NDUFS1: variants seen among roughly 807,000 people sequenced by gnomAD.
NDUFS1 encodes the protein NADH:ubiquinone oxidoreductase core subunit S1.
NDUFS1 carries 61 observed loss-of-function variants against 84.4 expected under a neutral mutation model. The ratio of observed to expected loss-of-function variants is 0.72; its 90% CI spans 0.59 to 0.89. The LOEUF (loss-of-function observed/expected upper bound fraction) is 0.89, where lower values mean the gene tolerates loss of function less well. Among genes scored for constraint, NDUFS1 ranks in the 40% least tolerant of loss-of-function variants. The pLI, the probability that NDUFS1 is intolerant of heterozygous loss-of-function variation, is 0.00. For synonymous variants in NDUFS1, 275 were observed against 290.0 expected (o/e 0.95, Z 0.53); for missense variants, 891 against 890.0 (o/e 1.00, Z -0.01).
chr2:206,124,613 GTGGA>G (rs1223056163), intron 18 of NDUFS1, among the ~76,000 whole-genome samples: 1 of 152,136 alleles, frequency 6.6e-6, no homozygotes, highest in African/African-American at 2.4e-5. Context: ...GCCGAGGCAG[GTGGA>G]TCACGAGGTC....
At chr2:206,148,523 G>C (rs944988080) in intron 5 of NDUFS1, among the ~76,000 whole-genome samples, 4 of 152,052 alleles carry the variant, frequency 2.6e-5, no homozygotes, top group Admixed American at 6.6e-5. Flanking sequence ...GGTGGCTCAC[G>C]TCTGTAATCC....
Position 206,159,409 on chromosome 2 carries a change from G to A in NDUFS1, c.-73C>T, listed in dbSNP as rs367649369. 161 of 502,218 alleles carry A rather than the reference G, an allele frequency of 3.2e-4. No individual in the cohort carries two copies. Among genetic ancestry groups the A allele is most frequent in the African/African-American group, 2.7e-3 (139 of 52,070 alleles). The allele number at this position is 502,218 out of a possible 1,614,324, so 31.1% of individuals were successfully genotyped here. A position where few individuals can be genotyped will look rare whatever the true frequency, so the allele number is the denominator to read the frequency against. ...ACCACGACGACCCCCTAGGAGGCCG[G>A]GTCGCTTATTCAATATGGCGGCCTC... On this transcript the variant is annotated 5_prime_UTR_variant, in exon 1 of 19. Transcript: ENST00000233190.
At chr2:206,129,011 C>T (rs1025451235) in intron 15 of NDUFS1, among the ~76,000 whole-genome samples, 6 of 151,658 alleles carry the variant, frequency 4.0e-5, no homozygotes, top group Non-Finnish European at 7.4e-5. Flanking sequence ...AAGGCATAAA[C>T]GAAAAACTAC....
intron 5 of NDUFS1, among the ~76,000 whole-genome samples, chr2:206,148,131 G>A (rs751776242): frequency 1.3e-5 from 2 of 152,182 alleles, no homozygotes; most frequent in East Asian, 3.9e-4. Context: ...CATCATGTTG[G>A]TCAGGCTGGT....
At position 206,147,582 on chromosome 2, in the gene NDUFS1, G is replaced by A. The variant is rs1301423447; in HGVS notation, c.500C>T (p.Pro167Leu). 1.2e-6 allele frequency: 2 copies of A among 1,614,132 alleles called. No individual in the cohort carries two copies. The highest frequency in any genetic ancestry group is 1.7e-6 in the Non-Finnish European group (2 of 1,180,020). The stretch of plus-strand genomic sequence containing the variant: ...TCTTGTCATGATGGTCTTTACCAAT[G>A]GCCCAATGTTCTTGTCTTCCACAGC... ...KRAVEDKNIG[P>L]LVKTIMTRCI... The change falls in exon 7 of 19, where the codon CCA becomes CTA. Residue 167 changes from proline to leucine, a missense_variant. By Grantham distance (98) the Pro-to-Leu change is moderately conservative. Transcript: ENST00000233190.
At chr2:206,148,885 T>C (rs938573668) in intron 5 of NDUFS1, 135 bp downstream of exon 5, 3 of 689,104 alleles carry the variant, frequency 4.4e-6, no homozygotes, top group Non-Finnish European at 7.8e-6. Flanking sequence ...CTCACTTCTA[T>C]TGCTCCTAGA....
intron 18 of NDUFS1, among the ~76,000 whole-genome samples, chr2:206,125,583 A>T (rs906249577): frequency 6.6e-6 from 1 of 151,936 alleles, no homozygotes; most frequent in Non-Finnish European, 1.5e-5. Context: ...TCCCTGGAGG[A>T]AGAGTGACTA....
intron 3 of NDUFS1, among the ~76,000 whole-genome samples, chr2:206,150,439 C>T (rs1474562429): frequency 6.6e-6 from 1 of 152,206 alleles, no homozygotes; most frequent in African/African-American, 2.4e-5. Context: ...TGCCAATTAT[C>T]ACCTACCCTG....
intron 1 of NDUFS1, among the ~76,000 whole-genome samples, chr2:206,155,337 C>A (rs548900928): frequency 6.6e-6 from 1 of 151,982 alleles, no homozygotes; most frequent in East Asian, 1.9e-4. Flanking sequence ...TGATGGTCTC[C>A]ATCTCCTGAC....
chr2:206,131,427 T>C (rs1231123075), intron 14 of NDUFS1, among the ~76,000 whole-genome samples: 1 of 152,212 alleles, frequency 6.6e-6, no homozygotes, highest in Non-Finnish European at 1.5e-5. Flanking sequence ...TAGTAGGAAA[T>C]TCTCATTTGG....
intron 12 of NDUFS1, among the ~76,000 whole-genome samples, chr2:206,140,943 T>TATATACACAC (rs367723817): frequency 5.1e-5 from 7 of 136,138 alleles, no homozygotes; most frequent in African/African-American, 1.9e-4. Flanking sequence ...TATATATATA[T>TATATACACAC]ACACACACAC....
chr2:206,156,262 CAA>C (rs577904073), intron 1 of NDUFS1, among the ~76,000 whole-genome samples: 36,733 of 93,362 alleles, frequency 0.39, 5,796 homozygotes, highest in African/African-American at 0.53. Flanking sequence ...CACTCTGTCT[CAA>C]AAAAAAAAAA....
chr2:206,158,759 C>A (rs1205324429), intron 1 of NDUFS1, among the ~76,000 whole-genome samples: 1 of 152,242 alleles, frequency 6.6e-6, no homozygotes, highest in Non-Finnish European at 1.5e-5. Context: ...AACCTGTAAA[C>A]AACGTTTTGT....
chr2:206,136,091 C>A (rs546734463), intron 13 of NDUFS1, among the ~76,000 whole-genome samples: 29 of 151,474 alleles, frequency 1.9e-4, no homozygotes, highest in African/African-American at 6.8e-4. Context: ...CACTCTGTCA[C>A]CCAGGCTGGA....
At chr2:206,152,928 T>G (rs1450721658) in intron 2 of NDUFS1, among the ~76,000 whole-genome samples, 2 of 152,092 alleles carry the variant, frequency 1.3e-5, no homozygotes, top group Non-Finnish European at 2.9e-5. Context: ...GGTCTCAAAC[T>G]CCTGACCTCA....
chr2:206,135,047 C>T (rs1265679990), intron 13 of NDUFS1, among the ~76,000 whole-genome samples: 1 of 151,180 alleles, frequency 6.6e-6, no homozygotes, highest in Non-Finnish European at 1.5e-5. Context: ...GAGACAGGGT[C>T]TTACTCTGTT....
In NDUFS1 at chr2:206,133,016, A is replaced by C. The variant is rs1691574229; in HGVS notation, c.1482T>G (p.Ser494=). The stretch of plus-strand genomic sequence containing the variant: ...TCATCCGAATCTTTTGTGCAATGCT[A>C]GAAACAGCTGCAAGAATTGCTGCTC... ...NDGAAILAAV[S]SIAQKIRMTS... is the part of the protein sequence containing the mutation. The change falls in exon 14 of 19, where the codon TCT becomes TCG. Residue 494 remains serine, a synonymous_variant. Coordinates refer to ENST00000233190, the MANE Select transcript of NDUFS1 (RefSeq NM_005006.7). 6.2e-7 allele frequency: 1 copy of C among 1,613,772 alleles called. No individual in the cohort carries two copies. The highest frequency in any genetic ancestry group is 2.2e-5 in the East Asian group (1 of 44,864).
In NDUFS1 at chr2:206,126,766, G is replaced by C. The variant is rs762369653; in HGVS notation, c.1963C>G (p.Arg655Gly). The C allele has an allele frequency of 1.9e-6, 3 of 1,613,936 alleles. No homozygotes were observed. Among genetic ancestry groups the C allele is most frequent in the Non-Finnish European group, 2.5e-6 (3 of 1,180,004 alleles). The change falls in exon 17 of 19, where the codon CGA becomes GGA. Residue 655 changes from arginine (R) to glycine (G), a missense_variant. Physicochemically the swap from Arg to Gly is moderately radical, Grantham distance 125. Coordinates refer to ENST00000233190, the MANE Select transcript of NDUFS1 (RefSeq NM_005006.7). The part of the protein sequence containing the change: ...RLEEVSPNLV[R>G]YDDIEGANYF... ...TTAGCCCCTTCAATATCATCATATCGAACAAGATTAGGAGAGACTTCTTCC... is the reference window on the plus strand; with the variant it reads ...TTAGCCCCTTCAATATCATCATATCCAACAAGATTAGGAGAGACTTCTTCC...
At chr2:206,153,948 A>C (rs1477733451) in intron 1 of NDUFS1, among the ~76,000 whole-genome samples, 10 of 152,260 alleles carry the variant, frequency 6.6e-5, no homozygotes, top group African/African-American at 2.4e-4. Flanking sequence ...ATTTAAAAAA[A>C]AATGACATAG....
Sources: gnomAD v4.1 joint callset for allele counts (sites outside exome capture counted in the v4.1 genomes callset) on GRCh38, gnomAD v4.1.1 for gene constraint, MANE v1.5 for transcripts, NCBI Gene and HGNC (gene_info 2026-07-23, HGNC 2026-07-21) for gene names.